The following MCU variants were observed in gnomAD, a reference collection of about 807,000 sequenced individuals.
The protein encoded by MCU is mitochondrial calcium uniporter, also known as calcium uniporter protein, mitochondrial.
Under a neutral mutation model 45.2 loss-of-function variants are expected in MCU, and 12 were observed. The ratio of observed to expected loss-of-function variants is 0.27; its 90% CI spans 0.17 to 0.43. The LOEUF (loss-of-function observed/expected upper bound fraction) is 0.43, where lower values mean the gene tolerates loss of function less well. MCU is among the 20% of genes least tolerant of loss of function. MCU has a pLI of 1.00. For missense variants in MCU, 324 were observed against 436.7 expected, an observed-to-expected ratio of 0.74 and a Z score of 2.30; for synonymous variants, 160 against 165.1, an observed-to-expected ratio of 0.97 and a Z score of 0.24.
chr10:72,775,995 T>C (rs565589964), intron 1 of MCU, among the ~76,000 whole-genome samples: 21 of 152,076 alleles, frequency 1.4e-4, no homozygotes, highest in African/African-American at 4.8e-4. Context: ...TGAGACCCTG[T>C]CTCTACAAAA....
chr10:72,750,042 C>T (rs1386236900), intron 1 of MCU, among the ~76,000 whole-genome samples: 1 of 151,734 alleles, frequency 6.6e-6, no homozygotes, highest in Admixed American at 6.6e-5. Flanking sequence ...GACTTGGCCT[C>T]CCGAAGTGCT....
At chr10:72,773,476 A>G (rs1238225569) in intron 1 of MCU, among the ~76,000 whole-genome samples, 2 of 152,226 alleles carry the variant, frequency 1.3e-5, no homozygotes, top group African/African-American at 4.8e-5. Context: ...AAGACTGTAT[A>G]TAAGATATAG....
intron 1 of MCU, among the ~76,000 whole-genome samples, chr10:72,798,295 T>C (rs949486057): frequency 3.3e-5 from 5 of 151,852 alleles, no homozygotes; most frequent in Non-Finnish European, 7.4e-5. Context: ...CCACTATTTG[T>C]TTGTTTGTTT....
intron 1 of MCU, among the ~76,000 whole-genome samples, chr10:72,719,613 A>G (rs1350159688): frequency 1.3e-5 from 2 of 152,176 alleles, no homozygotes; most frequent in East Asian, 3.8e-4. Flanking sequence ...GCTTTAAGGT[A>G]TCACTTAACA....
intron 1 of MCU, among the ~76,000 whole-genome samples, chr10:72,741,293 GT>G (rs1224276556): frequency 1.3e-5 from 2 of 151,952 alleles, no homozygotes; most frequent in East Asian, 1.9e-4. Context: ...TAGAGGTGGG[GT>G]TTCACCATGT....
chr10:72,830,249 G>T (rs1422053314), intron 1 of MCU, among the ~76,000 whole-genome samples: 1 of 152,130 alleles, frequency 6.6e-6, no homozygotes, highest in Non-Finnish European at 1.5e-5. Flanking sequence ...ACAAAAACAG[G>T]CAGCCAGCTT....
intron 1 of MCU, among the ~76,000 whole-genome samples, chr10:72,760,198 T>C (rs1843635176): frequency 6.6e-6 from 1 of 152,094 alleles, no homozygotes; most frequent in Non-Finnish European, 1.5e-5. Flanking sequence ...GCATATACCA[T>C]GATGCCGGGC....
At chr10:72,812,450 G>C (rs1357517549) in intron 1 of MCU, among the ~76,000 whole-genome samples, 2 of 152,128 alleles carry the variant, frequency 1.3e-5, no homozygotes, top group Non-Finnish European at 2.9e-5. Flanking sequence ...CCATACTCCA[G>C]ATTTCTTATA....
intron 1 of MCU, among the ~76,000 whole-genome samples, chr10:72,816,543 C>T (rs1246760867): frequency 8.6e-5 from 13 of 152,044 alleles, no homozygotes; most frequent in Admixed American, 8.5e-4. Flanking sequence ...CTCAGGAGGC[C>T]GAAGCAGGAG....
At chr10:72,859,436 A>G (rs1845343448) in intron 3 of MCU, 89 bp downstream of exon 3, 21 of 1,261,628 alleles carry the variant, frequency 1.7e-5, no homozygotes, top group Middle Eastern at 2.1e-4. Context: ...ACACGTAGCT[A>G]CAAAAGAACC....
chr10:72,693,179 TG>T, intron 1 of MCU: 2 of 831,458 alleles, frequency 2.4e-6, no homozygotes, highest in South Asian at 3.1e-5. Flanking sequence ...GGTGAGTGTG[TG>T]TGTGTGTGTG....
chr10:72,852,797 G>C (rs533301881), intron 2 of MCU, among the ~76,000 whole-genome samples: 214 of 152,344 alleles, frequency 1.4e-3, no homozygotes, highest in Non-Finnish European at 2.6e-3. Flanking sequence ...CATCCTGTGA[G>C]GCTTTGGCTG....
At chr10:72,824,439 C>T (rs565147200) in intron 1 of MCU, among the ~76,000 whole-genome samples, 15 of 150,700 alleles carry the variant, frequency 1.0e-4, no homozygotes, top group Non-Finnish European at 1.3e-4. Flanking sequence ...GAACTCCTGA[C>T]CTCAGGAAAT....
At chr10:72,710,774 A>G (rs542854520) in intron 1 of MCU, among the ~76,000 whole-genome samples, 1 of 152,266 alleles carries the variant, frequency 6.6e-6, no homozygotes, top group East Asian at 1.9e-4. Context: ...CCTCTCTCCC[A>G]AAAGTAACAT....
intron 6 of MCU, among the ~76,000 whole-genome samples, chr10:72,883,075 A>G (rs1845729555): frequency 6.6e-6 from 1 of 152,242 alleles, no homozygotes; most frequent in African/African-American, 2.4e-5. Context: ...ACATGCCACA[A>G]ATGGATGAAC....
chr10:72,871,245 C>A, intron 5 of MCU, 132 bp from the exon 6 acceptor site: 1 of 798,348 alleles, frequency 1.3e-6, no homozygotes, highest in Non-Finnish European at 2.1e-6. Flanking sequence ...TTTAGGAAGA[C>A]AAGCTATATT....
chr10:72,692,199 G>A lies in MCU; in HGVS notation c.48G>A (p.Arg16=). The A allele has an allele frequency of 7.9e-7, 1 of 1,262,238 alleles. No individual in the cohort carries two copies. The highest frequency in any genetic ancestry group is 1.0e-6 in the Non-Finnish European group (1 of 997,174). The allele number at this position is 1,262,238 out of a possible 1,614,324, so 78.2% of individuals were successfully genotyped here. The stretch of plus-strand genomic sequence containing the variant: ...CGCTCCTGCTGCTCCTCTCCTCTCG[G>A]GGCGGCGGCGGCGGGGGCGCCGGCG... ...GRSLLLLLSS[R]GGGGGGAGGC... is the part of the protein sequence containing the mutation. The change falls in exon 1 of 8, where the codon CGG becomes CGA. Residue 16 remains arginine (R), a synonymous_variant. Transcript: ENST00000373053.
chr10:72,736,741 G>T (rs946540298), intron 1 of MCU, among the ~76,000 whole-genome samples: 2 of 152,192 alleles, frequency 1.3e-5, no homozygotes, highest in East Asian at 3.8e-4. Context: ...CATTTTGTCA[G>T]TAAAGAGATT....
At chr10:72,796,802 A>G (rs1489858234) in intron 1 of MCU, among the ~76,000 whole-genome samples, 2 of 150,466 alleles carry the variant, frequency 1.3e-5, no homozygotes, top group Admixed American at 6.7e-5. Context: ...TGCTGGGATT[A>G]CAGGGATTTA....
Sources: allele counts gnomAD v4.1 joint callset (sites outside exome capture counted in the v4.1 genomes callset), GRCh38; gene constraint gnomAD v4.1.1; transcripts MANE v1.5; gene names NCBI Gene and HGNC (gene_info 2026-07-23, HGNC 2026-07-21).